The following MAP7 variants were observed in gnomAD, a reference collection of about 807,000 sequenced individuals.
The protein encoded by MAP7 is ensconsin.
Under a neutral mutation model 94.8 loss-of-function variants are expected in MAP7, and 52 were observed. The observed-to-expected ratio is 0.55, with a 90% confidence interval of 0.44 to 0.69. The LOEUF (loss-of-function observed/expected upper bound fraction) is 0.69, where lower values mean the gene tolerates loss of function less well. Among genes scored for constraint, MAP7 ranks in the 30% least tolerant of loss-of-function variants. The pLI is 0.00. For missense variants in MAP7, 940 were observed against 964.6 expected (o/e 0.97, Z 0.34); for synonymous variants, 350 against 357.0 (o/e 0.98, Z 0.22).
intron 1 of MAP7, among the ~76,000 whole-genome samples, chr6:136,530,148 C>T (rs1406332595): frequency 6.6e-6 from 1 of 152,188 alleles, no homozygotes; most frequent in Non-Finnish European, 1.5e-5. Flanking sequence ...TAAAATTTCC[C>T]TTTCTAAAAG....
chr6:136,428,242 G>A (rs867771437), intron 1 of MAP7, among the ~76,000 whole-genome samples: 6 of 152,172 alleles, frequency 3.9e-5, no homozygotes, highest in Admixed American at 1.3e-4. Context: ...TAGGCTGGGC[G>A]TGGTGGCTCA....
chr6:136,363,500 G>A (rs931477249), intron 10 of MAP7, among the ~76,000 whole-genome samples: 4 of 152,162 alleles, frequency 2.6e-5, no homozygotes, highest in African/African-American at 7.2e-5. Flanking sequence ...TGATGCTCTA[G>A]CCCTTCTTTC....
rs543407524 is a variant in MAP7 at position 136,360,888 on chromosome 6, G to A, written c.1702-90C>T. 18 of 1,553,412 alleles carry A rather than the reference G, an allele frequency of 1.2e-5. No homozygotes were observed. The African/African-American group carries it at 2.3e-4, about 20-fold the overall frequency. ...TGCCCAGAGGTGGGGGCGAGGTGGC[G>A]GATGGAGAAGGTGTGGAAAGCGGGA... On this transcript the variant is annotated intron_variant, in intron 12 of 17. Transcript: ENST00000354570.
At position 136,360,687 on chromosome 6, in the gene MAP7, A is replaced by G; in HGVS notation, c.1803+10T>C. 2 of 1,613,820 alleles carry G rather than the reference A, an allele frequency of 1.2e-6. No homozygotes were observed. The highest frequency in any genetic ancestry group is 1.7e-5 in the Admixed American group (1 of 60,022). On this transcript the variant is annotated intron_variant, in intron 13 of 17. Coordinates refer to ENST00000354570, the MANE Select transcript of MAP7 (RefSeq NM_003980.6). The stretch of plus-strand genomic sequence containing the variant: ...TCGCGTCCCGGGCCTCTCTACTAAG[A>G]CGCAGCTACCTTCTTTCTCTCCAGG...
At chr6:136,507,503 A>AT (rs1383153525) in intron 1 of MAP7, among the ~76,000 whole-genome samples, 1 of 151,722 alleles carries the variant, frequency 6.6e-6, no homozygotes, top group Non-Finnish European at 1.5e-5. Context: ...GAAAAAACAA[A>AT]TTTTATTTTT....
intron 16 of MAP7, among the ~76,000 whole-genome samples, chr6:136,348,272 TAATGGC>T (rs1181845803): frequency 8.5e-5 from 13 of 152,176 alleles, no homozygotes; most frequent in Non-Finnish European, 1.9e-4. Context: ...TAACAAGTCA[TAATGGC>T]AATGGCTAAC....
In MAP7 at chr6:136,498,249, C is replaced by T. The variant is rs1818862108; in HGVS notation, c.67+52093G>A. ...TAGATTTGCACACTGTAAAGTTAAA[C>T]CCATCTGCCTTTTAGAGGAACACTT... On this transcript the variant is annotated intron_variant, in intron 1 of 17. Coordinates refer to ENST00000354570, the MANE Select transcript of MAP7 (RefSeq NM_003980.6). Among the ~76,000 whole-genome samples the T allele has an allele frequency of 3.3e-5, 5 of 152,102 alleles. No homozygotes were observed. In the South Asian group the frequency reaches 1.0e-3, roughly 32 times the overall value.
At chr6:136,487,529 C>T (rs905813920) in intron 1 of MAP7, among the ~76,000 whole-genome samples, 5 of 151,782 alleles carry the variant, frequency 3.3e-5, no homozygotes, top group African/African-American at 9.7e-5. Context: ...AGCGAGATCC[C>T]GTTTCTGCAA....
intron 1 of MAP7, among the ~76,000 whole-genome samples, chr6:136,485,422 C>T (rs1169700215): frequency 6.6e-6 from 1 of 152,122 alleles, no homozygotes; most frequent in Non-Finnish European, 1.5e-5. Context: ...GCAGTAAATT[C>T]TCTTTGTAAA....
At chr6:136,426,396 A>G (rs1426241903) in intron 1 of MAP7, among the ~76,000 whole-genome samples, 2 of 152,254 alleles carry the variant, frequency 1.3e-5, no homozygotes, top group Non-Finnish European at 2.9e-5. Context: ...TCTGCTTTCA[A>G]GATGCTTATC....
chr6:136,455,170 CAATGA>C (rs1802499182), intron 1 of MAP7, among the ~76,000 whole-genome samples: 2 of 151,190 alleles, frequency 1.3e-5, no homozygotes. Context: ...CCAAATGTAG[CAATGA>C]AAACTCTAGA....
rs1348008714 is a variant in MAP7 at position 136,473,195 on chromosome 6, CT to C, written c.68-51397del. 3.9e-5 allele frequency among the ~76,000 whole-genome samples: 6 copies of C among 152,332 alleles called. No homozygotes were observed. In the East Asian group the frequency reaches 1.2e-3, roughly 29 times the overall value. ...ATCTCAATTCTCCCAAACAGAAGTG[CT>C]CGTCTTCTCTCTATAGAAACCAAAA... is the stretch of plus-strand genomic sequence containing the variant. On this transcript the variant is annotated intron_variant, in intron 1 of 17. Coordinates refer to ENST00000354570, the MANE Select transcript of MAP7 (RefSeq NM_003980.6).
At chr6:136,385,853 C>G (rs1779054043) in intron 5 of MAP7, among the ~76,000 whole-genome samples, 1 of 152,218 alleles carries the variant, frequency 6.6e-6, no homozygotes, top group African/African-American at 2.4e-5. Flanking sequence ...TCACTGCAAC[C>G]TCCATCTCCT....
chr6:136,424,095 G>C (rs946269100), intron 1 of MAP7, among the ~76,000 whole-genome samples: 12 of 152,074 alleles, frequency 7.9e-5, no homozygotes, highest in African/African-American at 2.7e-4. Flanking sequence ...ACCACGCCCA[G>C]CTGGGAGTTT....
At chr6:136,350,400 C>G (rs17722739) in intron 16 of MAP7, among the ~76,000 whole-genome samples, 2,436 of 152,196 alleles carry the variant, frequency 0.016, 42 homozygotes, top group East Asian at 0.039. Context: ...TGATTTGAAA[C>G]TAGGAGTGAA....
chr6:136,386,125 A>T (rs151219885), intron 5 of MAP7, among the ~76,000 whole-genome samples: 2 of 152,280 alleles, frequency 1.3e-5, no homozygotes, highest in Non-Finnish European at 2.9e-5. Flanking sequence ...GCTGGCCAAG[A>T]CAGGAATTTT....
intron 1 of MAP7, among the ~76,000 whole-genome samples, chr6:136,463,322 G>C (rs559519345): frequency 2.0e-5 from 3 of 152,264 alleles, no homozygotes; most frequent in Admixed American, 2.0e-4. Flanking sequence ...ACTGCATAAA[G>C]ACTGCATGTT....
At chr6:136,535,270 G>T (rs570414243) in intron 1 of MAP7, among the ~76,000 whole-genome samples, 13 of 152,278 alleles carry the variant, frequency 8.5e-5, no homozygotes, top group African/African-American at 2.9e-4. Context: ...CTTGCCATGT[G>T]AATGTGCCTG....
chr6:136,541,883 A>AC (rs1215023670), intron 1 of MAP7, among the ~76,000 whole-genome samples: 3 of 151,904 alleles, frequency 2.0e-5, no homozygotes, highest in Non-Finnish European at 4.4e-5. Context: ...ACACGGCAAA[A>AC]CCCCCTCTCT....
Sources: allele counts gnomAD v4.1 joint callset (sites outside exome capture counted in the v4.1 genomes callset), GRCh38; gene constraint gnomAD v4.1.1; transcripts MANE v1.5; gene names NCBI Gene and HGNC (gene_info 2026-07-23, HGNC 2026-07-21).